The following PDE4D variants were observed in gnomAD, a reference collection of about 807,000 sequenced individuals.
PDE4D encodes the protein phosphodiesterase 4D.
A neutral mutation model predicts 87.4 loss-of-function variants in PDE4D; 24 were observed. The ratio of observed to expected loss-of-function variants is 0.27; its 90% CI spans 0.20 to 0.39. The LOEUF (loss-of-function observed/expected upper bound fraction) is 0.39, where lower values mean the gene tolerates loss of function less well. Among genes scored for constraint, PDE4D ranks in the 10% least tolerant of loss-of-function variants. The probability of loss-of-function intolerance (pLI) is 1.00; values close to 1 mark genes in which losing one functional copy is unlikely to be tolerated. For synonymous variants in PDE4D, 384 were observed against 383.2 expected, an observed-to-expected ratio of 1.00 and a Z score of -0.02; for missense variants, 714 against 1,041.0, an observed-to-expected ratio of 0.69 and a Z score of 4.32.
At chr5:59,998,166 A>G (rs1393002484) in intron 2 of PDE4D, among the ~76,000 whole-genome samples, 1 of 152,210 alleles carries the variant, frequency 6.6e-6, no homozygotes, top group South Asian at 2.1e-4. Context: ...TTTAGCTGAT[A>G]TCAATGTTCA....
chr5:59,437,156 C>T (rs1796906909), intron 1 of PDE4D, among the ~76,000 whole-genome samples: 1 of 152,188 alleles, frequency 6.6e-6, no homozygotes, highest in African/African-American at 2.4e-5. Context: ...GATGCTCATT[C>T]ATTGAAATTT....
intron 1 of PDE4D, among the ~76,000 whole-genome samples, chr5:59,705,352 A>G (rs879600625): frequency 1.3e-5 from 2 of 152,094 alleles, no homozygotes; most frequent in South Asian, 2.1e-4. Context: ...ACCTTCCCTA[A>G]ACTGAGGAAG....
intron 3 of PDE4D, among the ~76,000 whole-genome samples, chr5:59,914,316 C>A (rs1483721671): frequency 4.0e-5 from 6 of 151,882 alleles, no homozygotes; most frequent in South Asian, 2.1e-4. Flanking sequence ...AGGTAAGGAG[C>A]CTGGGAGAGG....
intron 1 of PDE4D, among the ~76,000 whole-genome samples, chr5:59,272,713 T>C (rs1581706589): frequency 6.6e-6 from 1 of 152,098 alleles, no homozygotes; most frequent in African/African-American, 2.4e-5. Flanking sequence ...TTGTATTTTG[T>C]CTTGAAATTA....
At chr5:60,358,065 G>A (rs751502692) in intron 1 of PDE4D, among the ~76,000 whole-genome samples, 3 of 152,136 alleles carry the variant, frequency 2.0e-5, no homozygotes, top group Non-Finnish European at 2.9e-5. Flanking sequence ...TGAGGGTTTA[G>A]TAACTATCAA....
intron 2 of PDE4D, among the ~76,000 whole-genome samples, chr5:60,161,572 TG>T (rs1782478688): frequency 6.6e-6 from 1 of 152,122 alleles, no homozygotes; most frequent in African/African-American, 2.4e-5. Flanking sequence ...AGTGATATTC[TG>T]GATCCCCTAG....
At chr5:59,840,567 C>G (rs894462855) in intron 1 of PDE4D, among the ~76,000 whole-genome samples, 8 of 151,826 alleles carry the variant, frequency 5.3e-5, no homozygotes, top group Admixed American at 1.3e-4. Flanking sequence ...ACAGAAGGGG[C>G]TTATCTGAAA....
chr5:60,131,057 T>C (rs1020863317), intron 2 of PDE4D, among the ~76,000 whole-genome samples: 6 of 152,354 alleles, frequency 3.9e-5, no homozygotes, highest in Non-Finnish European at 8.8e-5. Flanking sequence ...AGGATGTTTC[T>C]AGCATCAATT....
At chr5:59,557,106 CTA>C (rs1819074762) in intron 1 of PDE4D, among the ~76,000 whole-genome samples, 1 of 152,120 alleles carries the variant, frequency 6.6e-6, no homozygotes, top group South Asian at 2.1e-4. Context: ...GCCAAGAAGT[CTA>C]TGATCTAACG....
At chr5:59,768,975 AAGAAAAACTTTGAACTTGACC>A (rs1429853214) in intron 1 of PDE4D, among the ~76,000 whole-genome samples, 1 of 152,316 alleles carries the variant, frequency 6.6e-6, no homozygotes, top group East Asian at 1.9e-4. Context: ...ATCCAAAGGA[AAGAAAAACTTTGAACTTGACC>A]TTCCTCTCCC....
chr5:60,510,530 C>T (rs1339028251), intron 1 of PDE4D, among the ~76,000 whole-genome samples: 1 of 152,208 alleles, frequency 6.6e-6, no homozygotes, highest in African/African-American at 2.4e-5. Context: ...ACATGTCTAG[C>T]TAAAATAACA....
chr5:59,303,205 T>A (rs532212929), intron 1 of PDE4D, among the ~76,000 whole-genome samples: 91 of 152,364 alleles, frequency 6.0e-4, no homozygotes, highest in African/African-American at 2.2e-3. Flanking sequence ...AATTGCCTAC[T>A]CATGCCCTTA....
chr5:60,363,642 G>A (rs1461809031), intron 1 of PDE4D, among the ~76,000 whole-genome samples: 1 of 152,222 alleles, frequency 6.6e-6, no homozygotes, highest in Non-Finnish European at 1.5e-5. Flanking sequence ...AAAACAGAGT[G>A]ATGGGATACT....
chr5:60,366,132 C>G (rs1199312144), intron 1 of PDE4D, among the ~76,000 whole-genome samples: 1 of 151,744 alleles, frequency 6.6e-6, no homozygotes, highest in Non-Finnish European at 1.5e-5. Context: ...AAACAAGAAC[C>G]AGGACTTGAG....
chr5:60,265,249 C>T (rs1750074046), intron 1 of PDE4D, among the ~76,000 whole-genome samples: 1 of 152,186 alleles, frequency 6.6e-6, no homozygotes. Flanking sequence ...ACAGGGGCCA[C>T]ACTCAGGAAA....
chr5:60,207,115 G>T (rs182678430), intron 1 of PDE4D, among the ~76,000 whole-genome samples: 6 of 152,184 alleles, frequency 3.9e-5, no homozygotes, highest in Non-Finnish European at 8.8e-5. Flanking sequence ...ATGCCTGAAA[G>T]GAACATCAGA....
At chr5:59,812,227 G>C (rs1177990220) in intron 1 of PDE4D, among the ~76,000 whole-genome samples, 1 of 152,136 alleles carries the variant, frequency 6.6e-6, no homozygotes, top group African/African-American at 2.4e-5. Flanking sequence ...AAACCTGAAA[G>C]GCATCTCCTT....
At chr5:59,193,210 C>T (rs527493813) in intron 3 of PDE4D, among the ~76,000 whole-genome samples, 1 of 152,248 alleles carries the variant, frequency 6.6e-6, no homozygotes, top group East Asian at 1.9e-4. Flanking sequence ...CATGATATAG[C>T]CTTCTGCTTC....
chr5:60,256,011 GA>G (rs1583225755), intron 1 of PDE4D, among the ~76,000 whole-genome samples: 2 of 151,946 alleles, frequency 1.3e-5, no homozygotes. Flanking sequence ...GTCAAAGAAA[GA>G]GCTCACAATT....
Sources: allele counts gnomAD v4.1 joint callset (sites outside exome capture counted in the v4.1 genomes callset), GRCh38; gene constraint gnomAD v4.1.1; transcripts MANE v1.5; gene names NCBI Gene and HGNC (gene_info 2026-07-23, HGNC 2026-07-21).